The following DTNA variants were observed in gnomAD, a reference collection of about 807,000 sequenced individuals.
DTNA encodes the protein dystrophin-related protein 3.
In DTNA, 43 loss-of-function variants were observed where a neutral mutation model predicts 100.7. That is an observed-to-expected ratio of 0.43 (90% CI 0.33 to 0.55). The LOEUF (loss-of-function observed/expected upper bound fraction) is 0.55. Among genes scored for constraint, DTNA ranks in the 20% least tolerant of loss-of-function variants. DTNA has a pLI of 0.04. For synonymous variants in DTNA, 349 were observed against 347.9 expected (o/e 1.00, Z -0.04); for missense variants, 798 against 953.9 (o/e 0.84, Z 2.15).
chr18:34,540,650 C>A (rs1020174412), intron 1 of DTNA, among the ~76,000 whole-genome samples: 12 of 151,972 alleles, frequency 7.9e-5, no homozygotes, highest in Non-Finnish European at 1.6e-4. Flanking sequence ...AGAAGAAGAT[C>A]TGTGGGAAGT....
Position 34,877,708 on chromosome 18 carries a change from C to A in DTNA, c.1904-11C>A. ...GCTTTGGTTTTTTAAATTATTTCTT[C>A]TTCCCTGAAGGTTCAAGAAGAAACT... is the stretch of plus-strand genomic sequence containing the variant. On this transcript the variant is annotated splice_polypyrimidine_tract_variant and intron_variant, in intron 18 of 22. Coordinates refer to ENST00000444659, the MANE Select transcript of DTNA (RefSeq NM_001386795.1). 6.2e-7 allele frequency: 1 copy of A among 1,611,710 alleles called. No individual in the cohort carries two copies. The highest frequency in any genetic ancestry group is 1.1e-5 in the South Asian group (1 of 90,994).
At chr18:34,774,395 G>A (rs1246721049) in intron 3 of DTNA, among the ~76,000 whole-genome samples, 1 of 152,226 alleles carries the variant, frequency 6.6e-6, no homozygotes, top group Non-Finnish European at 1.5e-5. Context: ...GGAGGACAGG[G>A]ATGGGAGAGC....
chr18:34,694,721 C>T (rs1026055470), intron 1 of DTNA, among the ~76,000 whole-genome samples: 2 of 152,044 alleles, frequency 1.3e-5, no homozygotes, highest in Non-Finnish European at 2.9e-5. Context: ...TCATGTCTCC[C>T]TAATGTATGT....
chr18:34,832,434 A>C (rs535262290), intron 11 of DTNA, among the ~76,000 whole-genome samples: 1 of 152,010 alleles, frequency 6.6e-6, no homozygotes, highest in South Asian at 2.1e-4. Context: ...AACCACAGTC[A>C]CCTCTCTTGT....
chr18:34,619,220 G>A (rs759528007), intron 1 of DTNA, among the ~76,000 whole-genome samples: 4 of 152,136 alleles, frequency 2.6e-5, no homozygotes, highest in Non-Finnish European at 5.9e-5. Flanking sequence ...ATAAGACTGG[G>A]CACATTGGGG....
chr18:34,526,691 A>G (rs2042655628), intron 1 of DTNA, among the ~76,000 whole-genome samples: 1 of 152,158 alleles, frequency 6.6e-6, no homozygotes, highest in South Asian at 2.1e-4. Flanking sequence ...GTCTTATGCA[A>G]ATAATGTCTG....
intron 1 of DTNA, among the ~76,000 whole-genome samples, chr18:34,580,729 T>G (rs957004715): frequency 3.9e-5 from 6 of 152,300 alleles, no homozygotes; most frequent in African/African-American, 1.4e-4. Flanking sequence ...TATATGGATA[T>G]CTCTCTTCAC....
intron 1 of DTNA, among the ~76,000 whole-genome samples, chr18:34,507,091 A>G (rs946104060): frequency 2.6e-5 from 4 of 152,168 alleles, no homozygotes; most frequent in African/African-American, 4.8e-5. Flanking sequence ...GCAGTCCATC[A>G]TTGTAGGATT....
rs1292782080 is a variant in DTNA at position 34,879,669 on chromosome 18, AC to A, written c.2114del (p.Pro705LeufsTer51). On this transcript the variant is annotated frameshift_variant, in exon 20 of 23. Transcript: ENST00000444659. ...AFLAQIHARK[P>X]GYIHSGATTS... ...TTCTAGCGCAAATCCATGCCCGAAA[AC>A]CTGGGTACATTCACAGTGGAGCTAC... 1 of 1,614,036 alleles carries A rather than the reference AC, an allele frequency of 6.2e-7. No homozygotes were observed. Among genetic ancestry groups the A allele is most frequent in the East Asian group, 2.2e-5 (1 of 44,872 alleles).
intron 4 of DTNA, among the ~76,000 whole-genome samples, chr18:34,797,737 C>T (rs960930158): frequency 6.6e-6 from 1 of 152,146 alleles, no homozygotes; most frequent in South Asian, 2.1e-4. Context: ...CAGTCACAAA[C>T]TCTGAGGTTC....
intron 2 of DTNA, among the ~76,000 whole-genome samples, chr18:34,756,554 A>G (rs377579867): frequency 1.3e-5 from 2 of 152,210 alleles, no homozygotes; most frequent in Non-Finnish European, 2.9e-5. Context: ...GACCTCATGT[A>G]GAAAAGGAGA....
chr18:34,860,727 C>T (rs566309749), intron 16 of DTNA, among the ~76,000 whole-genome samples: 1 of 152,310 alleles, frequency 6.6e-6, no homozygotes, highest in East Asian at 1.9e-4. Context: ...TCCCTTTTCA[C>T]TTTCGCCACA....
At chr18:34,580,738 A>T (rs1289189300) in intron 1 of DTNA, among the ~76,000 whole-genome samples, 2 of 152,016 alleles carry the variant, frequency 1.3e-5, no homozygotes, top group East Asian at 3.9e-4. Context: ...ATCTCTCTTC[A>T]CTTCTGGAGA....
chr18:34,812,625 T>C (rs1568608376), intron 6 of DTNA, among the ~76,000 whole-genome samples: 1 of 152,066 alleles, frequency 6.6e-6, no homozygotes, highest in African/African-American at 2.4e-5. Flanking sequence ...CTCACTATCA[T>C]GAAAACAGCA....
chr18:34,864,105 T>A, intron 17 of DTNA, 43 bp downstream of exon 17: 1 of 1,551,396 alleles, frequency 6.4e-7, no homozygotes. Context: ...ATTTTCCATG[T>A]CATCTGTGAA....
chr18:34,567,814 T>A (rs1297914616), intron 1 of DTNA, among the ~76,000 whole-genome samples: 1 of 152,208 alleles, frequency 6.6e-6, no homozygotes, highest in Non-Finnish European at 1.5e-5. Flanking sequence ...AACACATATA[T>A]GTAACTAATT....
At chr18:34,597,237 G>C (rs1476876461) in intron 1 of DTNA, among the ~76,000 whole-genome samples, 3 of 151,850 alleles carry the variant, frequency 2.0e-5, no homozygotes, top group Non-Finnish European at 4.4e-5. Context: ...CCCTTTCCTT[G>C]GCAATTTCTT....
intron 1 of DTNA, among the ~76,000 whole-genome samples, chr18:34,539,682 A>G (rs557440201): frequency 3.8e-4 from 57 of 151,866 alleles, no homozygotes; most frequent in Non-Finnish European, 6.5e-4. Context: ...TAATTGTATC[A>G]TTGTCTATGT....
intron 3 of DTNA, among the ~76,000 whole-genome samples, chr18:34,788,388 T>C (rs2094584050): frequency 6.6e-6 from 1 of 152,196 alleles, no homozygotes; most frequent in Non-Finnish European, 1.5e-5. Flanking sequence ...AAGCACTATG[T>C]GGAGTGCTTT....
Sources: allele counts gnomAD v4.1 joint callset (sites outside exome capture counted in the v4.1 genomes callset), GRCh38; gene constraint gnomAD v4.1.1; transcripts MANE v1.5; gene names NCBI Gene and HGNC (gene_info 2026-07-23, HGNC 2026-07-21).